The following TFDP1 variants were observed in gnomAD, a reference collection of about 807,000 sequenced individuals.
TFDP1 encodes transcription factor Dp-1.
A neutral mutation model predicts 48.0 loss-of-function variants in TFDP1; 6 were observed. The observed-to-expected ratio is 0.13, with a 90% CI of 0.07 to 0.25. The LOEUF (loss-of-function observed/expected upper bound fraction) is 0.25, where lower values mean the gene tolerates loss of function less well. TFDP1 is among the 10% of genes least tolerant of loss of function. The pLI is 1.00. For synonymous variants in TFDP1, 201 were observed against 211.6 expected, an observed-to-expected ratio of 0.95 and a Z score of 0.44; for missense variants, 335 against 543.0, an observed-to-expected ratio of 0.62 and a Z score of 3.81.
At chr13:113,640,078 G>A in intron 11 of TFDP1, 42 bp from the exon 12 acceptor site, 1 of 1,461,414 alleles carries the variant, frequency 6.8e-7, no homozygotes, top group Non-Finnish European at 9.3e-7. Context: ...AGGCTGGGTG[G>A]GCCGCCTGCA....
rs2049611581 is a variant in TFDP1, at chr13:113,640,288, C to T, written c.*21C>T. ...ACTGACGTCCTCCCCACTTCAGATT[C>T]GGCTTCAGGAAAACGTTTAGCGAAA... is the stretch of plus-strand genomic sequence containing the variant. On this transcript the variant is annotated 3_prime_UTR_variant, in exon 12 of 12. Coordinates refer to ENST00000375370, the MANE Select transcript of TFDP1 (RefSeq NM_007111.5). 5.6e-6 allele frequency: 9 copies of T among 1,602,444 alleles called. No individual in the cohort carries two copies. The highest frequency in any genetic ancestry group is 1.1e-5 in the South Asian group (1 of 89,188).
intron 2 of TFDP1, among the ~76,000 whole-genome samples, chr13:113,606,998 G>C (rs2048586368): frequency 6.6e-6 from 1 of 152,224 alleles, no homozygotes; most frequent in Non-Finnish European, 1.5e-5. Context: ...CAGCTCTGGA[G>C]AGGTCTGCTT....
In TFDP1 at chr13:113,638,553, A is replaced by G. The variant is rs529076168; in HGVS notation, c.1085+657A>G. Among the ~76,000 whole-genome samples, 17 of 152,326 alleles carry G rather than the reference A, an allele frequency of 1.1e-4. No homozygotes were observed. In the South Asian group the frequency reaches 3.5e-3, roughly 32 times the overall value. On this transcript the variant is annotated intron_variant, in intron 11 of 11. Transcript: ENST00000375370. ...CAGAACGCGTCTGCAATCACAGCGC[A>G]CGTATTTTTCAGAACGCGTCTGTGG...
At chr13:113,625,850 G>A (rs2049154580) in intron 4 of TFDP1, among the ~76,000 whole-genome samples, 1 of 142,276 alleles carries the variant, frequency 7.0e-6, no homozygotes, top group African/African-American at 2.7e-5. Flanking sequence ...GTCCTCAGGT[G>A]TCTCTCACGC....
intron 3 of TFDP1, among the ~76,000 whole-genome samples, chr13:113,622,253 T>C (rs1321654310): frequency 6.6e-6 from 1 of 152,220 alleles, no homozygotes; most frequent in African/African-American, 2.4e-5. Flanking sequence ...CCCAGCTGCC[T>C]TTTCTTTTAT....
In TFDP1 at chr13:113,607,502, C is replaced by G. The variant is rs1446349209; in HGVS notation, c.13-3494C>G. On this transcript the variant is annotated intron_variant, in intron 2 of 11. Transcript: ENST00000375370. This position sits in a 1 kb window ranked among gnomAD's most constrained non-coding sequence, Gnocchi z 5.2. ...ACCACAGACGATGCCACGCTTGTGT[C>G]AGCAGTGCGACACTGGCCCACGTGT... is the stretch of plus-strand genomic sequence containing the variant. Among the ~76,000 whole-genome samples the G allele has an allele frequency of 6.6e-6, 1 of 152,258 alleles. No individual in the cohort carries two copies. The highest frequency in any genetic ancestry group is 6.5e-5 in the Admixed American group (1 of 15,288).
intron 4 of TFDP1, among the ~76,000 whole-genome samples, chr13:113,625,145 C>T (rs1373753349): frequency 6.6e-5 from 8 of 122,092 alleles, no homozygotes; most frequent in Non-Finnish European, 9.8e-5. Context: ...GTGTCTCTCA[C>T]GTGTCCTCAG....
intron 3 of TFDP1, among the ~76,000 whole-genome samples, chr13:113,617,626 G>A (rs866419691): frequency 3.4e-5 from 4 of 118,800 alleles, no homozygotes; most frequent in Admixed American, 8.2e-5. Flanking sequence ...CTGCAGAGCC[G>A]CTCACCTGCA....
intron 2 of TFDP1, among the ~76,000 whole-genome samples, chr13:113,595,987 C>A (rs1413958313): frequency 6.6e-6 from 1 of 152,136 alleles, no homozygotes; most frequent in Non-Finnish European, 1.5e-5. Flanking sequence ...GAGGCTGAGG[C>A]AGGAGAATGG....
At chr13:113,589,571 C>T (rs1328380922) in intron 2 of TFDP1, among the ~76,000 whole-genome samples, 3 of 152,230 alleles carry the variant, frequency 2.0e-5, no homozygotes, top group African/African-American at 7.2e-5. Flanking sequence ...CTCAGGCCCT[C>T]CGCCTCAGGG....
Position 113,623,911 on chromosome 13 carries a change from G to A in TFDP1, c.186+625G>A, listed in dbSNP as rs1388754188. 3.3e-5 allele frequency among the ~76,000 whole-genome samples: 5 copies of A among 152,150 alleles called. No individual in the cohort carries two copies. Among genetic ancestry groups the A allele is most frequent in the Admixed American group, 2.0e-4 (3 of 15,276 alleles). ...GCGTCCTTGCCGGTGGCAGCCTACTGGAGACAGGGAGCCCACACAGAATCC... is the reference window on the plus strand; with the variant it reads ...GCGTCCTTGCCGGTGGCAGCCTACTAGAGACAGGGAGCCCACACAGAATCC... On this transcript the variant is annotated intron_variant, in intron 4 of 11. Coordinates refer to ENST00000375370, the MANE Select transcript of TFDP1 (RefSeq NM_007111.5). This position sits in a 1 kb window ranked among gnomAD's most constrained non-coding sequence, Gnocchi z 5.2.
intron 2 of TFDP1, among the ~76,000 whole-genome samples, chr13:113,608,560 A>C (rs1225019110): frequency 6.6e-6 from 1 of 152,170 alleles, no homozygotes; most frequent in Non-Finnish European, 1.5e-5. Context: ...GCTGGGCCCA[A>C]GCCTGACCAG....
rs1480313723 is a variant in TFDP1, at chr13:113,636,069, C to G, written c.780C>G (p.Pro260=). The part of the protein sequence containing the change: ...PPPPNSVIHL[P]FIIVNTSKKT... Reference sequence around the variant, plus strand: ...CACCCAACTCAGTCATCCACCTGCCCTTCATCATCGTCAACACCAGCAAGA... The same window carrying G: ...CACCCAACTCAGTCATCCACCTGCCGTTCATCATCGTCAACACCAGCAAGA... The change falls in exon 9 of 12, where the codon CCC becomes CCG. Residue 260 remains proline (P), a synonymous_variant. Transcript: ENST00000375370. 6.2e-7 allele frequency: 1 copy of G among 1,614,238 alleles called. No individual in the cohort carries two copies. The highest frequency in any genetic ancestry group is 8.5e-7 in the Non-Finnish European group (1 of 1,180,052).
chr13:113,631,478 C>T, intron 4 of TFDP1, 145 bp from the exon 5 acceptor site: 1 of 1,028,736 alleles, frequency 9.7e-7, no homozygotes, highest in Non-Finnish European at 1.3e-6. Flanking sequence ...GCGTCCACCG[C>T]TGGACGTTTT....
At chr13:113,634,894 C>T (rs549329889) in intron 8 of TFDP1, among the ~76,000 whole-genome samples, 6 of 150,230 alleles carry the variant, frequency 4.0e-5, no homozygotes, top group South Asian at 2.1e-4. Flanking sequence ...CATGTGTGTG[C>T]GTGCATGTGC....
chr13:113,591,237 G>T (rs1191769415), intron 2 of TFDP1, among the ~76,000 whole-genome samples: 1 of 148,676 alleles, frequency 6.7e-6, no homozygotes, highest in Non-Finnish European at 1.5e-5. Context: ...AGCTACTCTC[G>T]AGGCTGAGAA....
At chr13:113,635,910 C>G in intron 8 of TFDP1, 67 bp from the exon 9 acceptor site, 1 of 1,541,786 alleles carries the variant, frequency 6.5e-7, no homozygotes, top group Non-Finnish European at 8.8e-7. Context: ...GCTGTGAGGA[C>G]CCCTCGAGCA....
At chr13:113,601,024 C>T (rs554730090) in intron 2 of TFDP1, among the ~76,000 whole-genome samples, 184 of 152,322 alleles carry the variant, frequency 1.2e-3, no homozygotes, top group African/African-American at 4.0e-3. Flanking sequence ...TCACTCGGAG[C>T]GTGTTTGTGA....
intron 4 of TFDP1, among the ~76,000 whole-genome samples, chr13:113,630,901 C>G (rs1216256609): frequency 1.3e-5 from 2 of 152,200 alleles, no homozygotes; most frequent in Non-Finnish European, 2.9e-5. Flanking sequence ...GGCGTTGCCT[C>G]TGGTGGTTCC....
Sources: allele counts gnomAD v4.1 joint callset (sites outside exome capture counted in the v4.1 genomes callset), GRCh38; gene constraint gnomAD v4.1.1; non-coding constraint Gnocchi (gnomAD v3.1); transcripts MANE v1.5; gene names NCBI Gene and HGNC (gene_info 2026-07-23, HGNC 2026-07-21).